The following DOCK3 variants were observed in gnomAD, a reference collection of about 807,000 sequenced individuals.
DOCK3 encodes the protein dedicator of cytokinesis protein 3.
In DOCK3, 60 loss-of-function variants were observed where a neutral mutation model predicts 265.6. The observed-to-expected ratio is 0.23, with a 90% CI of 0.18 to 0.28. The LOEUF is 0.28. Among genes scored for constraint, DOCK3 ranks in the 10% least tolerant of loss-of-function variants. The pLI, the probability that DOCK3 is intolerant of heterozygous loss-of-function variation, is 1.00. For synonymous variants in DOCK3, 881 were observed against 938.0 expected (o/e 0.94, Z 1.11); for missense variants, 1,981 against 2,594.3 (o/e 0.76, Z 5.14).
At position 51,239,157 on chromosome 3, in the gene DOCK3, C is replaced by T. The variant is rs867725165; in HGVS notation, c.2102+1567C>T. On this transcript the variant is annotated intron_variant, in intron 21 of 52. Coordinates refer to ENST00000266037, the MANE Select transcript of DOCK3 (RefSeq NM_004947.5). ...ACATTTTAATCATAGCCATTCTGGC[C>T]GGTGCAGGATGGTATCTTGTACCCC... is the stretch of plus-strand genomic sequence containing the variant. Among the ~76,000 whole-genome samples, 11 of 152,114 alleles carry T rather than the reference C, an allele frequency of 7.2e-5. No homozygotes were observed. The South Asian group carries it at 1.2e-3, about 17-fold the overall frequency.
At chr3:50,731,465 G>T (rs1176889224) in intron 1 of DOCK3, among the ~76,000 whole-genome samples, 1 of 152,164 alleles carries the variant, frequency 6.6e-6, no homozygotes, top group Non-Finnish European at 1.5e-5. Flanking sequence ...TGTTGATCGT[G>T]GGTGAAGTTA....
chr3:50,943,469 A>C (rs575708444), intron 5 of DOCK3, among the ~76,000 whole-genome samples: 1 of 152,258 alleles, frequency 6.6e-6, no homozygotes, highest in Non-Finnish European at 1.5e-5. Flanking sequence ...TGTAAAGTAT[A>C]ATTTTACCTG....
intron 5 of DOCK3, among the ~76,000 whole-genome samples, chr3:50,989,964 G>A (rs543404218): frequency 6.6e-6 from 1 of 152,264 alleles, no homozygotes; most frequent in South Asian, 2.1e-4. Context: ...AACCTAATGG[G>A]TCTGACAGAG....
chr3:50,809,745 G>A (rs1354960380), intron 2 of DOCK3, among the ~76,000 whole-genome samples: 3 of 152,130 alleles, frequency 2.0e-5, no homozygotes, highest in South Asian at 2.1e-4. Flanking sequence ...CATACAATAC[G>A]ATGACCCATC....
At chr3:50,831,229 T>A (rs1469727625) in intron 2 of DOCK3, among the ~76,000 whole-genome samples, 1 of 147,362 alleles carries the variant, frequency 6.8e-6, no homozygotes, top group South Asian at 2.1e-4. Flanking sequence ...TTATTTATTT[T>A]TAATTTTTTT....
At chr3:50,856,853 T>TC (rs1389216129) in intron 3 of DOCK3, among the ~76,000 whole-genome samples, 8 of 152,310 alleles carry the variant, frequency 5.3e-5, no homozygotes, top group African/African-American at 1.9e-4. Context: ...TGAGGTGTGT[T>TC]CCTGTGATGC....
chr3:51,346,417 G>T (rs2085579283), intron 38 of DOCK3, among the ~76,000 whole-genome samples: 1 of 151,820 alleles, frequency 6.6e-6, no homozygotes, highest in South Asian at 2.1e-4. Context: ...GCAATAGTTT[G>T]CTCAGAGTGA....
In DOCK3 at chr3:50,872,276, G is replaced by A. The variant is rs555069204; in HGVS notation, c.163-17750G>A. Among the ~76,000 whole-genome samples, 14 of 152,326 alleles carry A rather than the reference G, an allele frequency of 9.2e-5. No homozygotes were observed. The South Asian group carries it at 2.9e-3, about 32-fold the overall frequency. ...GGACCCCAAGTCTAGTTAATGCTGT[G>A]GTTTTTTCAGACTTGTAGAGGGACC... On this transcript the variant is annotated intron_variant, in intron 3 of 52. Coordinates refer to ENST00000266037, the MANE Select transcript of DOCK3 (RefSeq NM_004947.5).
At chr3:50,957,424 C>G (rs1197500887) in intron 5 of DOCK3, among the ~76,000 whole-genome samples, 1 of 152,116 alleles carries the variant, frequency 6.6e-6, no homozygotes, top group African/African-American at 2.4e-5. Context: ...CTAGCACTAC[C>G]TAGTTGCTAT....
intron 5 of DOCK3, among the ~76,000 whole-genome samples, chr3:50,994,053 G>T: frequency 6.6e-6 from 1 of 152,102 alleles, no homozygotes; most frequent in Non-Finnish European, 1.5e-5. Flanking sequence ...TAAAGCAATA[G>T]AAAGATACAT....
chr3:51,362,507 T>C lies in DOCK3; in HGVS notation c.5146-20T>C, dbSNP rs778307897. The C allele has an allele frequency of 7.4e-6, 12 of 1,613,724 alleles. No individual in the cohort carries two copies. Among genetic ancestry groups the C allele is most frequent in the Non-Finnish European group, 1.0e-5 (12 of 1,179,846 alleles). Reference sequence around the variant, plus strand: ...CTGGCCATTCAGACCTCTATCCTGCTGATTTTTCTCCCTTTGCAGCTCGCG... The same window carrying C: ...CTGGCCATTCAGACCTCTATCCTGCCGATTTTTCTCCCTTTGCAGCTCGCG... On this transcript the variant is annotated intron_variant, in intron 48 of 52. Transcript: ENST00000266037.
intron 19 of DOCK3, among the ~76,000 whole-genome samples, chr3:51,230,545 TCTCA>T (rs1408591113): frequency 6.6e-6 from 1 of 152,072 alleles, no homozygotes; most frequent in African/African-American, 2.4e-5. Context: ...TGAGACAGAG[TCTCA>T]CTCTGTCGCC....
At chr3:51,027,956 T>C (rs1005454309) in intron 5 of DOCK3, among the ~76,000 whole-genome samples, 2 of 152,144 alleles carry the variant, frequency 1.3e-5, no homozygotes, top group Admixed American at 1.3e-4. Context: ...TATTGATATA[T>C]GAGATTTTGT....
At chr3:50,971,036 C>A (rs1575641991) in intron 5 of DOCK3, among the ~76,000 whole-genome samples, 1 of 125,266 alleles carries the variant, frequency 8.0e-6, no homozygotes, top group African/African-American at 3.2e-5. Context: ...CACTATGTTT[C>A]CCATGCTGGT....
At chr3:50,884,114 A>G (rs2048205234) in intron 3 of DOCK3, among the ~76,000 whole-genome samples, 1 of 142,136 alleles carries the variant, frequency 7.0e-6, no homozygotes, top group South Asian at 2.2e-4. Flanking sequence ...TTAATTTTTG[A>G]TATGGAGTCT....
chr3:51,375,514 A>G (rs1231780097), intron 50 of DOCK3, among the ~76,000 whole-genome samples: 1 of 152,182 alleles, frequency 6.6e-6, no homozygotes, highest in African/African-American at 2.4e-5. Flanking sequence ...CTAGCCAGAT[A>G]CTGGAGGATG....
At chr3:50,739,972 T>C (rs776153742) in intron 1 of DOCK3, among the ~76,000 whole-genome samples, 1 of 152,084 alleles carries the variant, frequency 6.6e-6, no homozygotes, top group African/African-American at 2.4e-5. Context: ...TCCCAGAAGT[T>C]TCTTAAGCCT....
At chr3:50,950,274 A>G (rs188851924) in intron 5 of DOCK3, among the ~76,000 whole-genome samples, 2 of 152,262 alleles carry the variant, frequency 1.3e-5, no homozygotes, top group Non-Finnish European at 1.5e-5. Flanking sequence ...ATTTTTAAAA[A>G]TCTACTGACT....
At chr3:51,121,179 G>A (rs2084000859) in intron 9 of DOCK3, among the ~76,000 whole-genome samples, 1 of 152,128 alleles carries the variant, frequency 6.6e-6, no homozygotes, top group African/African-American at 2.4e-5. Context: ...GAAAAGCATG[G>A]TATCTGGGCC....
Sources: allele counts gnomAD v4.1 joint callset (sites outside exome capture counted in the v4.1 genomes callset), GRCh38; gene constraint gnomAD v4.1.1; transcripts MANE v1.5; gene names NCBI Gene and HGNC (gene_info 2026-07-23, HGNC 2026-07-21).